Variants in SSPN observed in about 807,000 individuals in gnomAD.
The protein encoded by SSPN is sarcospan.
A neutral mutation model predicts 19.1 loss-of-function variants in SSPN; 15 were observed. The observed-to-expected ratio is 0.78, with a 90% confidence interval of 0.52 to 1.21. The LOEUF (loss-of-function observed/expected upper bound fraction) is 1.21, where lower values mean the gene tolerates loss of function less well. Ranked by LOEUF, SSPN falls within the 50% of genes most tolerant of loss-of-function variation. The pLI, the probability that SSPN is intolerant of heterozygous loss-of-function variation, is 0.00. For missense variants in SSPN, 291 were observed against 314.0 expected (o/e 0.93, Z 0.55); for synonymous variants, 147 against 140.3 (o/e 1.05, Z -0.34).
At chr12:26,220,498 C>CA (rs1220288977) in intron 1 of SSPN, among the ~76,000 whole-genome samples, 3 of 152,094 alleles carry the variant, frequency 2.0e-5, no homozygotes, top group African/African-American at 7.2e-5. Context: ...GCTTTCTGTT[C>CA]AAAAAATTCA....
At chr12:26,218,511 A>C (rs567579675) in intron 1 of SSPN, among the ~76,000 whole-genome samples, 2 of 151,992 alleles carry the variant, frequency 1.3e-5, no homozygotes, top group East Asian at 3.9e-4. Flanking sequence ...AGAAATGCAA[A>C]TTGTCAGTCC....
At chr12:26,169,028 T>C (rs1944637884) in intron 1 of SSPN, among the ~76,000 whole-genome samples, 1 of 98,042 alleles carries the variant, frequency 1.0e-5, no homozygotes, top group Admixed American at 8.3e-5. Flanking sequence ...TGGGCCTCAT[T>C]TTGAAAAAAA....
Position 26,223,456 on chromosome 12 carries a change from C to T in SSPN, c.280-837C>T, listed in dbSNP as rs1192503244. On this transcript the variant is annotated intron_variant, in intron 1 of 2. Transcript: ENST00000242729. ...AACTCCTGACCTCAGGTGATCCACCCGCCTCGGCCTCCCGAAGTGTTGGGA... is the reference window on the plus strand; with the variant it reads ...AACTCCTGACCTCAGGTGATCCACCTGCCTCGGCCTCCCGAAGTGTTGGGA... 6.6e-5 allele frequency among the ~76,000 whole-genome samples: 10 copies of T among 152,332 alleles called. 1 individual carries two copies. The highest frequency in any genetic ancestry group is 4.1e-4 in the South Asian group (2 of 4,824).
intron 1 of SSPN, among the ~76,000 whole-genome samples, chr12:26,198,169 G>T (rs896079221): frequency 1.1e-3 from 168 of 148,914 alleles, no homozygotes; most frequent in African/African-American, 3.8e-3. Context: ...TGAGTTTTGG[G>T]GGGGGGTTTT....
chr12:26,192,783 A>T (rs79934376), upstream of SSPN, among the ~76,000 whole-genome samples: 511 of 152,336 alleles, frequency 3.4e-3, 2 homozygotes, highest in African/African-American at 0.012. Flanking sequence ...TTCATTTGTA[A>T]TGTGTCTCAG....
Position 26,182,563 on chromosome 12 carries a change from TCCCTTC to T in SSPN, c.-30-41709_-30-41704del, listed in dbSNP as rs1399847167. Among the ~76,000 whole-genome samples, 947 of 146,902 alleles carry T rather than the reference TCCCTTC, an allele frequency of 6.4e-3. 10 individuals are homozygous for T. The highest frequency in any genetic ancestry group is 0.011 in the Non-Finnish European group (743 of 66,088). On this transcript the variant is annotated intron_variant, in intron 1 of 2. Coordinates refer to the SSPN transcript ENST00000538142. ...ATTAGTTTGGTATCTGGACCCCGTCTCCCTTCCCCTTCCCCTTCCCCTTCCCTTCCC... is the reference window on the plus strand; with the variant it reads ...ATTAGTTTGGTATCTGGACCCCGTCTCCCTTCCCCTTCCCCTTCCCTTCCC...
At chr12:26,169,595 T>TATA (rs201750856) in intron 1 of SSPN, among the ~76,000 whole-genome samples, 13 of 107,018 alleles carry the variant, frequency 1.2e-4, no homozygotes, top group East Asian at 2.4e-4. Flanking sequence ...ATATATATAT[T>TATA]TTTTTTTCTT....
intron 1 of SSPN, among the ~76,000 whole-genome samples, chr12:26,218,175 G>T (rs1306633958): frequency 6.9e-6 from 1 of 144,844 alleles, no homozygotes; most frequent in Non-Finnish European, 1.5e-5. Flanking sequence ...TAGGGACATG[G>T]ATGAAATTGG....
intron 1 of SSPN, among the ~76,000 whole-genome samples, chr12:26,142,476 G>A (rs977234991): frequency 6.6e-6 from 1 of 152,116 alleles, no homozygotes; most frequent in Non-Finnish European, 1.5e-5. Flanking sequence ...GACACTCAGG[G>A]TTTGGTTTGG....
intron 1 of SSPN, among the ~76,000 whole-genome samples, chr12:26,217,758 C>A (rs1438625915): frequency 6.7e-6 from 1 of 150,292 alleles, no homozygotes; most frequent in Non-Finnish European, 1.5e-5. Context: ...CCATCAATAC[C>A]TAATTTATTG....
intron 1 of SSPN, among the ~76,000 whole-genome samples, chr12:26,157,266 A>T (rs1944561474): frequency 6.6e-6 from 1 of 152,230 alleles, no homozygotes; most frequent in African/African-American, 2.4e-5. Flanking sequence ...TTTTACTGCA[A>T]GTTCTTTTGT....
At chr12:26,212,531 A>G (rs1305707740) in intron 1 of SSPN, among the ~76,000 whole-genome samples, 1 of 152,152 alleles carries the variant, frequency 6.6e-6, no homozygotes, top group Non-Finnish European at 1.5e-5. Context: ...AGATGTGGAA[A>G]TGACCAGATG....
chr12:26,135,743 A>C (rs943269503), intron 1 of SSPN, among the ~76,000 whole-genome samples: 1 of 152,188 alleles, frequency 6.6e-6, no homozygotes, highest in Non-Finnish European at 1.5e-5. Context: ...ACGTTTGCCA[A>C]ATATAGCCCC....
chr12:26,130,160 T>C (rs995089971), intron 1 of SSPN, among the ~76,000 whole-genome samples: 1 of 152,210 alleles, frequency 6.6e-6, no homozygotes, highest in African/African-American at 2.4e-5. Context: ...GAGTCTGGAC[T>C]AGTTGGATGG....
At position 26,231,180 on chromosome 12, in the gene SSPN, A is replaced by G; in HGVS notation, c.*104A>G. The G allele has an allele frequency of 7.3e-7, 1 of 1,361,880 alleles. No homozygotes were observed. The allele number at this position is 1,361,880 out of a possible 1,614,324, so 84.4% of individuals were successfully genotyped here. A position where few individuals can be genotyped will look rare whatever the true frequency, so the allele number is the denominator to read the frequency against. On this transcript the variant is annotated 3_prime_UTR_variant, in exon 3 of 3. Transcript: ENST00000242729. ...AGAAAGGAAAAAAATTGACAATAAAAGTCACTCTTCTAATTGAATATTTTT... is the reference window on the plus strand; with the variant it reads ...AGAAAGGAAAAAAATTGACAATAAAGGTCACTCTTCTAATTGAATATTTTT...
chr12:26,206,098 A>G (rs917426840), intron 1 of SSPN, among the ~76,000 whole-genome samples: 1 of 152,160 alleles, frequency 6.6e-6, no homozygotes, highest in African/African-American at 2.4e-5. Context: ...TTCCACCTCA[A>G]GACCTCCCTG....
chr12:26,128,806 G>C (rs1024785161), intron 1 of SSPN, among the ~76,000 whole-genome samples: 2 of 152,102 alleles, frequency 1.3e-5, no homozygotes, highest in South Asian at 4.1e-4. Context: ...TAATAGGCGA[G>C]GGGTAGCTGC....
At chr12:26,149,223 A>T (rs546428584) in intron 1 of SSPN, among the ~76,000 whole-genome samples, 1 of 152,320 alleles carries the variant, frequency 6.6e-6, no homozygotes, top group East Asian at 1.9e-4. Context: ...ATTCAATAAA[A>T]GTCTACTTGT....
In SSPN at chr12:26,223,291, A is replaced by T. The variant is rs1343415610; in HGVS notation, c.280-1002A>T. On this transcript the variant is annotated intron_variant, in intron 1 of 2. Coordinates refer to ENST00000242729, the MANE Select transcript of SSPN (RefSeq NM_005086.5). ...AATGGCACAATCTCAGCTCACTGCA[A>T]CCTCTGCCTCCCAGATTCAAGCGAT... 2.0e-5 allele frequency among the ~76,000 whole-genome samples: 3 copies of T among 151,978 alleles called. No individual in the cohort carries two copies. The East Asian group carries it at 5.8e-4, about 29-fold the overall frequency.
Sources: allele counts gnomAD v4.1 joint callset (sites outside exome capture counted in the v4.1 genomes callset), GRCh38; gene constraint gnomAD v4.1.1; transcripts MANE v1.5; gene names NCBI Gene and HGNC (gene_info 2026-07-23, HGNC 2026-07-21).